Variants in LRMDA observed in about 807,000 individuals in gnomAD.
The protein encoded by LRMDA is leucine-rich melanocyte differentiation-associated protein.
LRMDA carries 18 observed loss-of-function variants against 29.8 expected under a neutral mutation model. The observed-to-expected ratio is 0.60, with a 90% CI of 0.42 to 0.90. The LOEUF is 0.90. Among genes scored for constraint, LRMDA ranks in the 40% least tolerant of loss-of-function variants. The pLI, the probability that LRMDA is intolerant of heterozygous loss-of-function variation, is 0.00. For missense variants in LRMDA, 273 were observed against 273.9 expected (o/e 1.00, Z 0.02); for synonymous variants, 125 against 109.4 (o/e 1.14, Z -0.89).
At chr10:76,043,032 G>A (rs879834268) in intron 3 of LRMDA, among the ~76,000 whole-genome samples, 3 of 152,064 alleles carry the variant, frequency 2.0e-5, no homozygotes, top group African/African-American at 4.8e-5. Flanking sequence ...GAGATTAGGA[G>A]TTCGAGACGA....
In LRMDA at chr10:75,534,959, C is replaced by T. The variant is rs749432382; in HGVS notation, c.131+96465C>T. On this transcript the variant is annotated intron_variant, in intron 2 of 6. Coordinates refer to ENST00000611255, the MANE Select transcript of LRMDA (RefSeq NM_001305581.2). ...ATACCCATAAGCTTCATTAAAAAAACGAAAACAAAACTCAGAACCCCAAAT... is the reference window on the plus strand; with the variant it reads ...ATACCCATAAGCTTCATTAAAAAAATGAAAACAAAACTCAGAACCCCAAAT... Among the ~76,000 whole-genome samples, 110 of 152,054 alleles carry T rather than the reference C, an allele frequency of 7.2e-4. 1 individual carries two copies. Among genetic ancestry groups the T allele is most frequent in the African/African-American group, 1.7e-3 (69 of 41,490 alleles).
intron 2 of LRMDA, among the ~76,000 whole-genome samples, chr10:75,869,005 A>T (rs1032814438): frequency 6.6e-6 from 1 of 152,194 alleles, no homozygotes; most frequent in Non-Finnish European, 1.5e-5. Flanking sequence ...GGCAAGCAGG[A>T]TGTCTTCTGG....
intron 2 of LRMDA, among the ~76,000 whole-genome samples, chr10:76,022,399 T>G (rs1847989519): frequency 6.6e-6 from 1 of 152,220 alleles, no homozygotes; most frequent in Non-Finnish European, 1.5e-5. Flanking sequence ...GGCAGCTCTT[T>G]TCTTCCATCT....
chr10:76,524,434 C>T (rs372746229), intron 6 of LRMDA, among the ~76,000 whole-genome samples: 24 of 152,322 alleles, frequency 1.6e-4, no homozygotes, highest in African/African-American at 5.1e-4. Flanking sequence ...AAATGGTTTA[C>T]TAGGAACAAC....
chr10:76,316,718 G>T lies in LRMDA; in HGVS notation c.517-7683G>T, dbSNP rs1333650227. Among the ~76,000 whole-genome samples the T allele has an allele frequency of 4.6e-5, 7 of 152,288 alleles. No individual in the cohort carries two copies. The East Asian group carries it at 1.4e-3, about 29-fold the overall frequency. On this transcript the variant is annotated intron_variant, in intron 5 of 6. Transcript: ENST00000611255. Reference sequence around the variant, plus strand: ...GTACACACACCCACATTACTTGGAGGTTATATTACATTACATTCTGATTAT... The same window carrying T: ...GTACACACACCCACATTACTTGGAGTTTATATTACATTACATTCTGATTAT...
chr10:76,226,525 G>A (rs1469861456), intron 5 of LRMDA, among the ~76,000 whole-genome samples: 1 of 152,182 alleles, frequency 6.6e-6, no homozygotes, highest in Non-Finnish European at 1.5e-5. Context: ...AGAGGTTGCA[G>A]TGACCCGAGA....
chr10:76,534,900 C>G (rs1292185594), intron 6 of LRMDA, among the ~76,000 whole-genome samples: 2 of 152,152 alleles, frequency 1.3e-5, no homozygotes, highest in African/African-American at 4.8e-5. Flanking sequence ...TTAGTTCTAT[C>G]CACCCACCCC....
At chr10:75,838,619 T>C (rs1305105294) in intron 2 of LRMDA, among the ~76,000 whole-genome samples, 1 of 152,222 alleles carries the variant, frequency 6.6e-6, no homozygotes, top group Non-Finnish European at 1.5e-5. Context: ...TATGATAATG[T>C]AAATATTGCC....
At chr10:75,947,537 G>T (rs897734260) in intron 2 of LRMDA, among the ~76,000 whole-genome samples, 2 of 152,150 alleles carry the variant, frequency 1.3e-5, no homozygotes, top group African/African-American at 4.8e-5. Context: ...GGAAGGGGAG[G>T]GACCCTTGGG....
At chr10:76,171,343 C>G (rs1028904121) in intron 5 of LRMDA, among the ~76,000 whole-genome samples, 4 of 152,182 alleles carry the variant, frequency 2.6e-5, no homozygotes, top group African/African-American at 9.7e-5. Context: ...TTCACCGTGT[C>G]AGCCAGGCTG....
chr10:75,692,827 T>C (rs1484546254), intron 2 of LRMDA, among the ~76,000 whole-genome samples: 1 of 152,144 alleles, frequency 6.6e-6, no homozygotes, highest in Non-Finnish European at 1.5e-5. Context: ...GAATGCCACG[T>C]GTGTGTGCAG....
At chr10:76,165,592 C>T (rs1350948748) in intron 5 of LRMDA, among the ~76,000 whole-genome samples, 1 of 152,198 alleles carries the variant, frequency 6.6e-6, no homozygotes, top group Non-Finnish European at 1.5e-5. Flanking sequence ...GTTTAATTGA[C>T]TCACAGTTCC....
chr10:76,068,946 G>T (rs893985299), intron 5 of LRMDA, among the ~76,000 whole-genome samples: 1 of 152,184 alleles, frequency 6.6e-6, no homozygotes, highest in African/African-American at 2.4e-5. Context: ...CATTTCAAAA[G>T]AAATTATCTC....
chr10:75,957,740 G>A (rs977906224), intron 2 of LRMDA, among the ~76,000 whole-genome samples: 1 of 152,194 alleles, frequency 6.6e-6, no homozygotes, highest in African/African-American at 2.4e-5. Flanking sequence ...GCATGAGCGG[G>A]AGAGAGTGAG....
intron 2 of LRMDA, among the ~76,000 whole-genome samples, chr10:75,551,274 A>G (rs972864174): frequency 1.3e-5 from 2 of 151,966 alleles, no homozygotes; most frequent in African/African-American, 2.4e-5. Context: ...ACCAGGAGAT[A>G]TGTAGGTGTA....
At chr10:76,546,097 C>G (rs780871245) in intron 6 of LRMDA, among the ~76,000 whole-genome samples, 1 of 152,182 alleles carries the variant, frequency 6.6e-6, no homozygotes, top group African/African-American at 2.4e-5. Flanking sequence ...CTACCTATAA[C>G]TGTCCAGGGA....
At chr10:76,014,759 G>A (rs1265307677) in intron 2 of LRMDA, among the ~76,000 whole-genome samples, 1 of 152,190 alleles carries the variant, frequency 6.6e-6, no homozygotes. Context: ...AATCTAGAAG[G>A]AAGCCTGTAT....
intron 2 of LRMDA, among the ~76,000 whole-genome samples, chr10:75,753,181 C>T (rs1275956847): frequency 2.6e-5 from 4 of 152,170 alleles, no homozygotes; most frequent in Non-Finnish European, 5.9e-5. Flanking sequence ...TGGAATCTCA[C>T]TTATCCATTC....
intron 5 of LRMDA, among the ~76,000 whole-genome samples, chr10:76,321,836 T>G (rs927693180): frequency 7.2e-5 from 11 of 152,028 alleles, no homozygotes; most frequent in African/African-American, 2.4e-4. Context: ...TCCCAGCTAC[T>G]CGGGAGGCTG....
Sources: gnomAD v4.1 joint callset for allele counts (sites outside exome capture counted in the v4.1 genomes callset) on GRCh38, gnomAD v4.1.1 for gene constraint, MANE v1.5 for transcripts, NCBI Gene and HGNC (gene_info 2026-07-23, HGNC 2026-07-21) for gene names.